Variants in TACC1 observed in about 807,000 individuals in gnomAD.
The protein encoded by TACC1 is transforming acidic coiled-coil containing protein 1, also known as transforming acidic coiled-coil-containing protein 1.
A neutral mutation model predicts 84.4 loss-of-function variants in TACC1; 48 were observed. That is an observed-to-expected ratio of 0.57 (90% CI 0.45 to 0.72). TACC1 has a LOEUF of 0.72. Ranked by LOEUF, TACC1 falls within the 30% of genes least tolerant of loss-of-function variation. TACC1 has a pLI of 0.00. For missense variants in TACC1, 920 were observed against 973.0 expected, an observed-to-expected ratio of 0.95 and a Z score of 0.72; for synonymous variants, 372 against 376.3, an observed-to-expected ratio of 0.99 and a Z score of 0.13.
chr8:38,760,814 G>A (rs1157051484), intron 3 of TACC1, among the ~76,000 whole-genome samples: 1 of 152,160 alleles, frequency 6.6e-6, no homozygotes, highest in African/African-American at 2.4e-5. Context: ...GAGCCACTGC[G>A]CCTGGCCTCA....
At chr8:38,747,485 G>A (rs562517018) in intron 3 of TACC1, among the ~76,000 whole-genome samples, 4 of 152,248 alleles carry the variant, frequency 2.6e-5, no homozygotes, top group East Asian at 3.9e-4. Flanking sequence ...TGGATAAACC[G>A]TGATATATCC....
At chr8:38,806,792 A>G (rs1822857743) in intron 2 of TACC1, among the ~76,000 whole-genome samples, 1 of 152,112 alleles carries the variant, frequency 6.6e-6, no homozygotes, top group African/African-American at 2.4e-5. Context: ...TGGGTTTTCA[A>G]AAACTCAGTT....
chr8:38,801,152 A>G (rs1821267442), intron 2 of TACC1, among the ~76,000 whole-genome samples: 1 of 152,152 alleles, frequency 6.6e-6, no homozygotes, highest in South Asian at 2.1e-4. Flanking sequence ...TCCTTATTAG[A>G]TATGTGACTA....
In TACC1 at chr8:38,787,239, T is replaced by C. The variant is rs1470551379; in HGVS notation, c.-344T>C. 6 of 1,011,846 alleles carry C rather than the reference T, an allele frequency of 5.9e-6. No homozygotes were observed. The South Asian group carries it at 1.4e-4, about 23-fold the overall frequency. 62.7% of individuals were successfully genotyped at this position (1,011,846 alleles called of 1,614,324 possible). ...CGCCCCGCCGGCCGGGAGGCGGGAG[T>C]CCGCGAGCCGGGAGCGGGAGCAGCA... On this transcript the variant is annotated 5_prime_UTR_variant, in exon 1 of 13. Coordinates refer to ENST00000317827, the MANE Select transcript of TACC1 (RefSeq NM_006283.3).
intron 2 of TACC1, among the ~76,000 whole-genome samples, chr8:38,798,749 C>T (rs1341284470): frequency 1.3e-5 from 2 of 152,048 alleles, no homozygotes; most frequent in Admixed American, 1.3e-4. Flanking sequence ...CCACCCCTCT[C>T]CCATGCTTCC....
At chr8:38,839,419 A>C (rs1464398928) in intron 8 of TACC1, 1 of 389,424 alleles carries the variant, frequency 2.6e-6, no homozygotes, top group Non-Finnish European at 4.6e-6. Flanking sequence ...TGTGGTCAAC[A>C]CTTGAATGAT....
At chr8:38,777,404 G>C (rs183969009) in intron 3 of TACC1, among the ~76,000 whole-genome samples, 240 of 152,332 alleles carry the variant, frequency 1.6e-3, no homozygotes, top group African/African-American at 5.4e-3. Flanking sequence ...TCCAGAGTGT[G>C]GTCCTCACAC....
intron 3 of TACC1, among the ~76,000 whole-genome samples, chr8:38,759,438 A>G (rs1810769780): frequency 6.6e-6 from 1 of 152,262 alleles, no homozygotes; most frequent in Admixed American, 6.5e-5. Flanking sequence ...TATGCTGAAG[A>G]AATGAACTCA....
intron 11 of TACC1, among the ~76,000 whole-genome samples, chr8:38,845,333 A>G (rs1832016925): frequency 6.6e-6 from 1 of 152,184 alleles, no homozygotes; most frequent in East Asian, 1.9e-4. Flanking sequence ...CTCCCATAGT[A>G]CTGTATTAGA....
At chr8:38,785,341 C>T (rs967027378), upstream of TACC1, among the ~76,000 whole-genome samples, 4 of 152,032 alleles carry the variant, frequency 2.6e-5, no homozygotes, top group African/African-American at 7.2e-5. Flanking sequence ...AGAAGGCTGG[C>T]GGATGATTCT....
In TACC1 at chr8:38,733,108, C is replaced by G. The variant is rs185738937; in HGVS notation, c.-675+4437C>G. On this transcript the variant is annotated intron_variant, in intron 1 of 14. Transcript: ENST00000518415. ...GTAAAATCGTGAAGCAAGTTGCCTT[C>G]TTCACCTTTCTCTCTGCTCTCCTAG... Among the ~76,000 whole-genome samples, 267 of 152,298 alleles carry G rather than the reference C, an allele frequency of 1.8e-3. 3 individuals are homozygous for G. The highest frequency in any genetic ancestry group is 0.014 in the Admixed American group (212 of 15,294).
intron 3 of TACC1, among the ~76,000 whole-genome samples, chr8:38,759,626 C>G (rs1369993102): frequency 6.6e-6 from 1 of 152,206 alleles, no homozygotes; most frequent in African/African-American, 2.4e-5. Context: ...AAAGCCCATC[C>G]TTGGTCTTTG....
chr8:38,798,067 C>T (rs1459312442), intron 2 of TACC1, among the ~76,000 whole-genome samples: 1 of 152,038 alleles, frequency 6.6e-6, no homozygotes, highest in East Asian at 1.9e-4. Flanking sequence ...CAAGTCCCAT[C>T]CTCTTACCTT....
chr8:38,826,030 G>T (rs1415312650), intron 4 of TACC1, among the ~76,000 whole-genome samples: 1 of 152,124 alleles, frequency 6.6e-6, no homozygotes, highest in Non-Finnish European at 1.5e-5. Flanking sequence ...AAAACAAAGC[G>T]AAGCCCAGGC....
At chr8:38,832,036 A>T (rs554917675) in intron 6 of TACC1, among the ~76,000 whole-genome samples, 1 of 150,292 alleles carries the variant, frequency 6.7e-6, no homozygotes, top group Admixed American at 6.6e-5. Flanking sequence ...CAAACTCCTG[A>T]CCTCAGGTGA....
At chr8:38,756,283 G>T (rs868585685) in intron 3 of TACC1, among the ~76,000 whole-genome samples, 2 of 152,008 alleles carry the variant, frequency 1.3e-5, no homozygotes, top group African/African-American at 4.8e-5. Flanking sequence ...CAGTGAAATC[G>T]AAACAGATTC....
chr8:38,796,950 G>A (rs1042227208), intron 2 of TACC1, among the ~76,000 whole-genome samples: 1 of 152,246 alleles, frequency 6.6e-6, no homozygotes, highest in Non-Finnish European at 1.5e-5. Flanking sequence ...TGTGGCTCAG[G>A]TCACTTTTGA....
chr8:38,813,579 G>A (rs1166341817), intron 2 of TACC1, among the ~76,000 whole-genome samples: 1 of 152,144 alleles, frequency 6.6e-6, no homozygotes, highest in South Asian at 2.1e-4. Flanking sequence ...GCCACCATGG[G>A]TTGTATTGAG....
intron 3 of TACC1, among the ~76,000 whole-genome samples, chr8:38,763,597 A>T (rs183760489): frequency 6.6e-6 from 1 of 152,216 alleles, no homozygotes; most frequent in Non-Finnish European, 1.5e-5. Context: ...CCATAATCTC[A>T]TCATCTGGAG....
Sources: allele counts gnomAD v4.1 joint callset (sites outside exome capture counted in the v4.1 genomes callset), GRCh38; gene constraint gnomAD v4.1.1; transcripts MANE v1.5; gene names NCBI Gene and HGNC (gene_info 2026-07-23, HGNC 2026-07-21).